RAB9B: variants seen among roughly 807,000 people sequenced by gnomAD.
RAB9B encodes the protein ras-related protein Rab-9B.
RAB9B carries 1 observed loss-of-function variant against 8.9 expected under a neutral mutation model. The observed-to-expected ratio is 0.11, with a 90% CI of 0.04 to 0.53. RAB9B has a LOEUF of 0.53. Among genes scored for constraint, RAB9B ranks in the 20% least tolerant of loss-of-function variants. The probability of loss-of-function intolerance (pLI) is 0.93; values close to 1 mark genes in which losing one functional copy is unlikely to be tolerated. For missense variants in RAB9B, 82 were observed against 152.9 expected, an observed-to-expected ratio of 0.54 and a Z score of 2.45; for synonymous variants, 63 against 57.0, an observed-to-expected ratio of 1.10 and a Z score of -0.47.
chrX:103,829,373 C>T (rs779194033), intron 1 of RAB9B, among the ~76,000 whole-genome samples: 1 of 111,749 alleles, frequency 8.9e-6, no homozygotes, highest in African/African-American at 3.2e-5. Context: ...ACTAAGGAAA[C>T]CCTCCACTCT....
At chrX:103,796,916 A>C in the RAB9B span, among the ~76,000 whole-genome samples, 1 of 102,412 alleles carries the variant, frequency 9.8e-6, no homozygotes, top group Admixed American at 1.1e-4. Context: ...AGTCCCAACT[A>C]CTCTGGAGGC....
intron 1 of RAB9B, among the ~76,000 whole-genome samples, chrX:103,830,509 A>G (rs2074699289): frequency 1.8e-5 from 2 of 112,147 alleles, no homozygotes; most frequent in East Asian, 5.6e-4. Flanking sequence ...ATTCAGAGAA[A>G]GATCTGACTC....
intron 1 of RAB9B, among the ~76,000 whole-genome samples, chrX:103,828,026 C>T (rs1046688950): frequency 4.5e-5 from 5 of 111,754 alleles, no homozygotes; most frequent in Non-Finnish European, 9.4e-5. Context: ...TTTAAATATA[C>T]ATTCATCTAA....
rs1338529811 is a variant in RAB9B at position 103,823,988 on chromosome X, T to C, written c.*1191A>G. On this transcript the variant is annotated 3_prime_UTR_variant, in exon 3 of 3. Transcript: ENST00000243298. ...CAGAAAGGACTTTATATTGAACATG[T>C]AGCCAGCACAGAAAATCTTTTTATG... is the stretch of plus-strand genomic sequence containing the variant. 8.9e-6 allele frequency: 1 copy of C among 112,361 alleles called. No homozygotes were observed. The highest frequency in any genetic ancestry group is 1.9e-5 in the Non-Finnish European group (1 of 53,259). 9.3% of individuals were successfully genotyped at this position (112,361 alleles called of 1,213,427 possible).
At chrX:103,812,647 A>G in the RAB9B span, among the ~76,000 whole-genome samples, 1 of 112,177 alleles carries the variant, frequency 8.9e-6, no homozygotes, top group Non-Finnish European at 1.9e-5. Flanking sequence ...ACTTCTCAGT[A>G]GTTCCTAGGG....
chrX:103,787,735 G>A, the RAB9B span: 2 of 985,917 alleles, frequency 2.0e-6, no homozygotes, highest in Non-Finnish European at 2.9e-6. Flanking sequence ...GGATCTCCCA[G>A]TTTGTGTTTC....
chrX:103,819,303 A>G (rs758335738), downstream of RAB9B, among the ~76,000 whole-genome samples: 92 of 112,061 alleles, frequency 8.2e-4, no homozygotes, highest in Non-Finnish European at 1.5e-3. Context: ...TAGTGAGACC[A>G]TTATACATTT....
At chrX:103,799,133 A>AAT in the RAB9B span, among the ~76,000 whole-genome samples, 1 of 109,499 alleles carries the variant, frequency 9.1e-6, no homozygotes, top group East Asian at 2.8e-4. Flanking sequence ...GCATATGTTT[A>AAT]ATATATATAT....
chrX:103,799,021 A>AAT, the RAB9B span, among the ~76,000 whole-genome samples: 921 of 107,540 alleles, frequency 8.6e-3, 4 homozygotes, highest in South Asian at 0.036. Context: ...TGTTACTTTA[A>AAT]ATATATATAT....
rs1048201740 is a variant in RAB9B, at chrX:103,823,009, T to A, written c.*2170A>T. On this transcript the variant is annotated 3_prime_UTR_variant, in exon 3 of 3. Transcript: ENST00000243298. ...GATACCCATGTAATTTTTTTTTTTTTACTCAAATGACCACATGCCACTCTA... is the reference window on the plus strand; with the variant it reads ...GATACCCATGTAATTTTTTTTTTTTAACTCAAATGACCACATGCCACTCTA... The A allele has an allele frequency of 3.6e-5, 4 of 110,990 alleles. No homozygotes were observed. The highest frequency in any genetic ancestry group is 1.3e-4 in the African/African-American group (4 of 30,506). The allele number at this position is 110,990 out of a possible 1,213,427, so 9.1% of individuals were successfully genotyped here.
In RAB9B at chrX:103,832,217, AGCTGCCGCTCGCGCCCGCC is replaced by A. The variant is rs2074707216; in HGVS notation, c.-293_-275del. ...GCGGCTTGGACCTCGGTGGCCTGAC[AGCTGCCGCTCGCGCCCGCC>A]GCTGCCGCCGCGCAGCGTCTCGAGC... On this transcript the variant is annotated 5_prime_UTR_variant, in exon 1 of 3. Transcript: ENST00000243298. The A allele has an allele frequency of 9.1e-6, 1 of 110,163 alleles. No homozygotes were observed. The highest frequency in any genetic ancestry group is 3.8e-4 in the South Asian group (1 of 2,601). The allele number at this position is 110,163 out of a possible 1,213,427, so 9.1% of individuals were successfully genotyped here.
At chrX:103,798,932 G>T in the RAB9B span, among the ~76,000 whole-genome samples, 3 of 108,671 alleles carry the variant, frequency 2.8e-5, no homozygotes, top group East Asian at 8.5e-4. Context: ...GAGCCACCGA[G>T]CCCGACCCAA....
chrX:103,781,493 A>G, the RAB9B span, among the ~76,000 whole-genome samples: 2 of 112,367 alleles, frequency 1.8e-5, no homozygotes, highest in African/African-American at 6.5e-5. Flanking sequence ...CAACTTCGTT[A>G]TATCCATTTT....
the RAB9B span, among the ~76,000 whole-genome samples, chrX:103,797,863 G>A: frequency 1.8e-5 from 2 of 111,849 alleles, no homozygotes; most frequent in Non-Finnish European, 3.8e-5. Flanking sequence ...GGGATAACCT[G>A]AAGGAAGTGT....
chrX:103,794,625 G>A, the RAB9B span, among the ~76,000 whole-genome samples: 3 of 111,984 alleles, frequency 2.7e-5, no homozygotes, highest in Admixed American at 2.8e-4. Context: ...TTCTCTGTTT[G>A]GATTTCCTTA....
Position 103,825,242 on chromosome X carries a change from A to T in RAB9B, c.543T>A (p.His181Gln), listed in dbSNP as rs761814878. 1 of 1,209,088 alleles carries T rather than the reference A, an allele frequency of 8.3e-7. No individual in the cohort carries two copies. The highest frequency in any genetic ancestry group is 1.8e-5 in the African/African-American group (1 of 56,940). ...QVLAVEEQLE[H>Q]CMLGHTIDLN... ...AGTCAATGGTGTGACCCAACATGCA[A>T]TGCTCCAGCTGTTCCTCTACAGCCA... The change falls in exon 3 of 3, where the codon CAT (histidine) becomes CAA (glutamine). Residue 181 changes from histidine to glutamine, a missense_variant. His to Gln is a conservative substitution (Grantham distance 24). Coordinates refer to ENST00000243298, the MANE Select transcript of RAB9B (RefSeq NM_016370.4).
chrX:103,786,271 C>G, the RAB9B span: 1 of 1,089,305 alleles, frequency 9.2e-7, no homozygotes, highest in Non-Finnish European at 1.2e-6. Flanking sequence ...TGTTTCTGGT[C>G]ACATACACCC....
the RAB9B span, among the ~76,000 whole-genome samples, chrX:103,811,692 A>G: frequency 9.8e-6 from 1 of 101,687 alleles, no homozygotes; most frequent in Non-Finnish European, 2.1e-5. Flanking sequence ...CCATGCCATC[A>G]CAATCTAAAG....
chrX:103,777,814 C>G, the RAB9B span, among the ~76,000 whole-genome samples: 1 of 112,496 alleles, frequency 8.9e-6, no homozygotes, highest in South Asian at 3.7e-4. Flanking sequence ...GCACAAGGGT[C>G]TTTGTCCCTA....
Sources: gnomAD v4.1 joint callset for allele counts (sites outside exome capture counted in the v4.1 genomes callset) on GRCh38, gnomAD v4.1.1 for gene constraint, MANE v1.5 for transcripts, NCBI Gene and HGNC (gene_info 2026-07-23, HGNC 2026-07-21) for gene names.